The following DCLRE1C variants were observed in gnomAD, a reference collection of about 807,000 sequenced individuals.
DCLRE1C encodes the protein protein artemis.
A neutral mutation model predicts 61.4 loss-of-function variants in DCLRE1C; 47 were observed. The observed-to-expected ratio is 0.77, with a 90% CI of 0.61 to 0.98. DCLRE1C has a LOEUF of 0.98. DCLRE1C is among the 50% of genes least tolerant of loss of function. The pLI is 0.00. For synonymous variants in DCLRE1C, 337 were observed against 287.6 expected, an observed-to-expected ratio of 1.17 and a Z score of -1.74; for missense variants, 858 against 816.0, an observed-to-expected ratio of 1.05 and a Z score of -0.63.
At chr10:14,928,807 C>CAG (rs201255354) in intron 9 of DCLRE1C, among the ~76,000 whole-genome samples, 24,922 of 143,736 alleles carry the variant, frequency 0.17, 2,222 homozygotes, top group Middle Eastern at 0.2. Flanking sequence ...TTTTTTTAGA[C>CAG]AGTCTCGCTT....
chr10:14,905,252 G>C lies in DCLRE1C; in HGVS notation c.*3156C>G, dbSNP rs1377859386. On this transcript the variant is annotated 3_prime_UTR_variant, in exon 14 of 14. Transcript: ENST00000378278. ...GATCTTGGCCAAAAGGCCAAGGAGT[G>C]ATGGTTCATGCATTTGAATATTAAA... Among the ~76,000 whole-genome samples, 1 of 152,256 alleles carries C rather than the reference G, an allele frequency of 6.6e-6. No homozygotes were observed. The highest frequency in any genetic ancestry group is 2.1e-4 in the South Asian group (1 of 4,832).
At chr10:14,927,936 CTAGA>C in intron 10 of DCLRE1C, 76 bp downstream of exon 10, 1 of 1,364,150 alleles carries the variant, frequency 7.3e-7, no homozygotes, top group Non-Finnish European at 1.0e-6. Context: ...TGGGCTTAGG[CTAGA>C]CTGTGCTTAA....
chr10:14,932,615 G>A (rs1589048422), intron 9 of DCLRE1C, among the ~76,000 whole-genome samples: 2 of 152,052 alleles, frequency 1.3e-5, no homozygotes, highest in South Asian at 2.1e-4. Context: ...CAGCCTGGGC[G>A]ACAGAGTGAG....
Position 14,954,041 on chromosome 10 carries a change from A to T in DCLRE1C, c.-31T>A. ...CGCCGATCCCAGAGTCCGGGACCCC[A>T]AAACCGCAGCTGAAGCCAAGGCCAG... is the stretch of plus-strand genomic sequence containing the variant. On this transcript the variant is annotated 5_prime_UTR_variant, in exon 1 of 14. Coordinates refer to ENST00000378278, the MANE Select transcript of DCLRE1C (RefSeq NM_001033855.3). 6.2e-7 allele frequency: 1 copy of T among 1,613,424 alleles called. No homozygotes were observed. The highest frequency in any genetic ancestry group is 1.1e-5 in the South Asian group (1 of 91,082).
chr10:14,945,273 TA>T, intron 2 of DCLRE1C, 84 bp from the exon 3 acceptor site: 2 of 1,448,186 alleles, frequency 1.4e-6, no homozygotes, highest in Non-Finnish European at 1.9e-6. Flanking sequence ...ATCATACATC[TA>T]ATAATTTCAT....
At chr10:14,930,278 CTTTTTTTT>C (rs60565089) in intron 9 of DCLRE1C, among the ~76,000 whole-genome samples, 8 of 85,706 alleles carry the variant, frequency 9.3e-5, no homozygotes, top group Non-Finnish European at 1.3e-4. Flanking sequence ...CACTCAGCAC[CTTTTTTTT>C]TTTTTTTTTT....
chr10:14,941,563 A>G (rs1398035966), intron 3 of DCLRE1C, among the ~76,000 whole-genome samples: 7 of 152,210 alleles, frequency 4.6e-5, no homozygotes, highest in Non-Finnish European at 1.0e-4. Flanking sequence ...CTAGGACTAC[A>G]CATGAGAGCC....
chr10:14,933,510 G>A (rs1286889742), intron 8 of DCLRE1C, among the ~76,000 whole-genome samples: 1 of 152,078 alleles, frequency 6.6e-6, no homozygotes, highest in East Asian at 1.9e-4. Flanking sequence ...GGTGGCTCAG[G>A]CCTGTAATCC....
chr10:14,943,025 C>T (rs577514764), intron 3 of DCLRE1C, among the ~76,000 whole-genome samples: 3 of 152,062 alleles, frequency 2.0e-5, no homozygotes, highest in East Asian at 1.9e-4. Flanking sequence ...ACTAGGGAGG[C>T]GGAGGCAGGG....
intron 6 of DCLRE1C, among the ~76,000 whole-genome samples, 166 bp downstream of exon 6, chr10:14,935,297 T>A (rs539907865): frequency 1.2e-3 from 180 of 152,008 alleles, no homozygotes; most frequent in Non-Finnish European, 2.0e-3. Context: ...CAAAACCCCA[T>A]CTCCACTAAA....
intron 13 of DCLRE1C, among the ~76,000 whole-genome samples, chr10:14,909,730 G>A (rs1834933131): frequency 6.6e-6 from 1 of 152,198 alleles, no homozygotes. Context: ...GGTTTGCAAA[G>A]CCTGTGTGCT....
Position 14,906,523 on chromosome 10 carries a change from A to G in DCLRE1C, c.*1885T>C, listed in dbSNP as rs925912108. On this transcript the variant is annotated 3_prime_UTR_variant, in exon 14 of 14. Coordinates refer to ENST00000378278, the MANE Select transcript of DCLRE1C (RefSeq NM_001033855.3). ...ACAACCACTTTCGATCATAAGGTAC[A>G]CTGTTAAAACTAAGTTTTAGTTAAC... Among the ~76,000 whole-genome samples, 2 of 152,252 alleles carry G rather than the reference A, an allele frequency of 1.3e-5. No homozygotes were observed. Among genetic ancestry groups the G allele is most frequent in the African/African-American group, 4.8e-5 (2 of 41,470 alleles).
At chr10:14,923,660 G>A (rs979786008) in intron 11 of DCLRE1C, 21 of 155,546 alleles carry the variant, frequency 1.4e-4, no homozygotes, top group Non-Finnish European at 2.1e-4. Context: ...CAAAAGAATT[G>A]CACTTATTTA....
At chr10:14,950,282 G>A (rs1029632208) in intron 1 of DCLRE1C, among the ~76,000 whole-genome samples, 3 of 150,808 alleles carry the variant, frequency 2.0e-5, no homozygotes, top group African/African-American at 7.3e-5. Context: ...AGAGGTTGCG[G>A]TGAGCTGAGA....
At chr10:14,932,694 A>G (rs1047762613) in intron 9 of DCLRE1C, among the ~76,000 whole-genome samples, 160 bp downstream of exon 9, 2 of 152,220 alleles carry the variant, frequency 1.3e-5, no homozygotes, top group Non-Finnish European at 2.9e-5. Flanking sequence ...TGGTCATGGA[A>G]TATGGCAATG....
At chr10:14,950,931 C>T (rs1238217757) in intron 1 of DCLRE1C, among the ~76,000 whole-genome samples, 2 of 152,204 alleles carry the variant, frequency 1.3e-5, no homozygotes, top group Non-Finnish European at 2.9e-5. Context: ...CAACCCTGGG[C>T]CACTATCTCA....
intron 9 of DCLRE1C, 97 bp from the exon 10 acceptor site, chr10:14,928,249 A>T: frequency 9.2e-7 from 1 of 1,085,112 alleles, no homozygotes; most frequent in South Asian, 1.4e-5. Flanking sequence ...GTTTCCAGAC[A>T]CGAAAAAATA....
chr10:14,947,847 G>T (rs918482031), intron 2 of DCLRE1C, among the ~76,000 whole-genome samples: 3 of 152,094 alleles, frequency 2.0e-5, no homozygotes, highest in African/African-American at 7.2e-5. Flanking sequence ...ATCACTTGAG[G>T]TCAGGAGTTC....
intron 3 of DCLRE1C, among the ~76,000 whole-genome samples, chr10:14,942,745 T>G (rs1240753434): frequency 6.6e-6 from 1 of 152,184 alleles, no homozygotes; most frequent in Non-Finnish European, 1.5e-5. Context: ...TGGTTTGAAC[T>G]TCGCCTTAGT....
Sources: allele counts gnomAD v4.1 joint callset (sites outside exome capture counted in the v4.1 genomes callset), GRCh38; gene constraint gnomAD v4.1.1; transcripts MANE v1.5; gene names NCBI Gene and HGNC (gene_info 2026-07-23, HGNC 2026-07-21).